The following LRMDA variants were observed in gnomAD, a reference collection of about 807,000 sequenced individuals.
The protein encoded by LRMDA is leucine-rich melanocyte differentiation-associated protein.
LRMDA carries 18 observed loss-of-function variants against 29.8 expected under a neutral mutation model. The observed-to-expected ratio is 0.60, with a 90% CI of 0.42 to 0.90. The LOEUF (loss-of-function observed/expected upper bound fraction) is 0.90, where lower values mean the gene tolerates loss of function less well. LRMDA is among the 40% of genes least tolerant of loss of function. The pLI, the probability that LRMDA is intolerant of heterozygous loss-of-function variation, is 0.00. For synonymous variants in LRMDA, 125 were observed against 109.4 expected (o/e 1.14, Z -0.89); for missense variants, 273 against 273.9 (o/e 1.00, Z 0.02).
At chr10:75,915,434 C>T (rs1452623918) in intron 2 of LRMDA, among the ~76,000 whole-genome samples, 1 of 151,558 alleles carries the variant, frequency 6.6e-6, no homozygotes, top group Non-Finnish European at 1.5e-5. Flanking sequence ...CTGTACCTGG[C>T]CCTAACTTTT....
chr10:75,460,051 T>C (rs1247911546), intron 2 of LRMDA, among the ~76,000 whole-genome samples: 2 of 152,228 alleles, frequency 1.3e-5, no homozygotes, highest in Non-Finnish European at 2.9e-5. Context: ...AATGCAGTTT[T>C]ATACTGGCCC....
At chr10:75,560,268 C>T (rs1232295970) in intron 2 of LRMDA, among the ~76,000 whole-genome samples, 4 of 152,086 alleles carry the variant, frequency 2.6e-5, no homozygotes, top group African/African-American at 9.6e-5. Context: ...AAGTTGGATT[C>T]CTAGGTATTT....
rs1000861645 is a variant in LRMDA, at chr10:76,120,823, T to G, written c.516+62040T>G. ...TAAAAACAATTTGTTTCTTGGTTGA[T>G]TGTTCTTTTTTTTTTTTTTTTTCCA... is the stretch of plus-strand genomic sequence containing the variant. On this transcript the variant is annotated intron_variant, in intron 5 of 6. Coordinates refer to ENST00000611255, the MANE Select transcript of LRMDA (RefSeq NM_001305581.2). Among the ~76,000 whole-genome samples the G allele has an allele frequency of 3.3e-5, 5 of 150,834 alleles. No individual in the cohort carries two copies. In the East Asian group the frequency reaches 7.8e-4, roughly 24 times the overall value.
chr10:76,066,570 C>G (rs1430498585), intron 5 of LRMDA, among the ~76,000 whole-genome samples: 1 of 152,144 alleles, frequency 6.6e-6, no homozygotes, highest in Non-Finnish European at 1.5e-5. Context: ...GTGCTCTTCC[C>G]ACTGTATCCC....
At chr10:75,821,768 C>A (rs1431902130) in intron 2 of LRMDA, among the ~76,000 whole-genome samples, 1 of 121,422 alleles carries the variant, frequency 8.2e-6, no homozygotes, top group African/African-American at 3.0e-5. Context: ...GACTCCATCT[C>A]AAAAAACAAA....
chr10:75,763,083 C>G (rs1285173629), intron 2 of LRMDA, among the ~76,000 whole-genome samples: 1 of 152,154 alleles, frequency 6.6e-6, no homozygotes, highest in Non-Finnish European at 1.5e-5. Context: ...CCAGAATGCT[C>G]AGAGAACAGG....
At chr10:76,178,012 G>C (rs931157741) in intron 5 of LRMDA, among the ~76,000 whole-genome samples, 1 of 152,224 alleles carries the variant, frequency 6.6e-6, no homozygotes, top group Non-Finnish European at 1.5e-5. Context: ...GCCATAGGCT[G>C]TCTTTCTCTA....
At chr10:75,937,104 A>G (rs976499263) in intron 2 of LRMDA, among the ~76,000 whole-genome samples, 1 of 152,170 alleles carries the variant, frequency 6.6e-6, no homozygotes, top group Non-Finnish European at 1.5e-5. Flanking sequence ...ATATTGTGAA[A>G]CCAGTTACCA....
At chr10:75,643,852 T>C (rs924432704) in intron 2 of LRMDA, among the ~76,000 whole-genome samples, 5 of 152,210 alleles carry the variant, frequency 3.3e-5, no homozygotes, top group Admixed American at 2.6e-4. Flanking sequence ...AAAACTCTTA[T>C]GCAATGTGAA....
At chr10:75,838,307 G>GA (rs1312409716) in intron 2 of LRMDA, among the ~76,000 whole-genome samples, 2 of 152,120 alleles carry the variant, frequency 1.3e-5, no homozygotes, top group Admixed American at 1.3e-4. Flanking sequence ...CAAATCCAGA[G>GA]AAAAATGTAT....
intron 2 of LRMDA, among the ~76,000 whole-genome samples, chr10:75,952,234 C>T (rs1049234457): frequency 1.4e-4 from 21 of 152,090 alleles, no homozygotes; most frequent in Admixed American, 8.5e-4. Flanking sequence ...GGTTTTACCA[C>T]GGTATGACCT....
intron 6 of LRMDA, among the ~76,000 whole-genome samples, chr10:76,469,850 T>A (rs1842600391): frequency 6.6e-6 from 1 of 152,110 alleles, no homozygotes; most frequent in Non-Finnish European, 1.5e-5. Context: ...TTCAGTGGCA[T>A]CTATAACATT....
intron 2 of LRMDA, among the ~76,000 whole-genome samples, chr10:75,560,584 G>C (rs1328444367): frequency 3.3e-5 from 5 of 151,688 alleles, no homozygotes; most frequent in Non-Finnish European, 5.9e-5. Context: ...AATAGGAGTG[G>C]TGAGAGAGGG....
At chr10:76,516,007 G>C (rs967785904) in intron 6 of LRMDA, among the ~76,000 whole-genome samples, 1 of 152,098 alleles carries the variant, frequency 6.6e-6, no homozygotes, top group Non-Finnish European at 1.5e-5. Context: ...TACACTGGGG[G>C]ATATGAATAA....
chr10:75,566,826 C>T (rs1015079455), intron 2 of LRMDA, among the ~76,000 whole-genome samples: 1 of 152,174 alleles, frequency 6.6e-6, no homozygotes, highest in African/African-American at 2.4e-5. Context: ...GGCTGTCCTT[C>T]TGGAACCTCA....
intron 5 of LRMDA, among the ~76,000 whole-genome samples, chr10:76,115,143 G>T (rs1849647172): frequency 6.6e-6 from 1 of 152,206 alleles, no homozygotes; most frequent in Non-Finnish European, 1.5e-5. Context: ...AGGCAATTTG[G>T]CCACAAGTGC....
At chr10:76,114,938 T>C (rs1255321735) in intron 5 of LRMDA, among the ~76,000 whole-genome samples, 2 of 152,330 alleles carry the variant, frequency 1.3e-5, no homozygotes, top group Non-Finnish European at 1.5e-5. Flanking sequence ...TGAGCTGAAA[T>C]GTGTTCTGAC....
At chr10:75,602,735 T>C (rs909741302) in intron 2 of LRMDA, among the ~76,000 whole-genome samples, 1 of 152,154 alleles carries the variant, frequency 6.6e-6, no homozygotes, top group African/African-American at 2.4e-5. Context: ...TTTGAAACAA[T>C]GGAAATTTTT....
At chr10:76,331,884 A>G (rs1318365283) in intron 6 of LRMDA, among the ~76,000 whole-genome samples, 1 of 152,178 alleles carries the variant, frequency 6.6e-6, no homozygotes, top group Non-Finnish European at 1.5e-5. Flanking sequence ...CGAGGTGACT[A>G]GTGATTTGAC....
Sources: gnomAD v4.1 joint callset for allele counts (sites outside exome capture counted in the v4.1 genomes callset) on GRCh38, gnomAD v4.1.1 for gene constraint, MANE v1.5 for transcripts, NCBI Gene and HGNC (gene_info 2026-07-23, HGNC 2026-07-21) for gene names.